GRK3: variants seen among roughly 807,000 people sequenced by gnomAD.
The protein encoded by GRK3 is G protein-coupled receptor kinase 3.
Under a neutral mutation model 95.7 loss-of-function variants are expected in GRK3, and 54 were observed. The observed-to-expected ratio is 0.56, with a 90% confidence interval of 0.45 to 0.71. The LOEUF (loss-of-function observed/expected upper bound fraction) is 0.71, where lower values mean the gene tolerates loss of function less well. Among genes scored for constraint, GRK3 ranks in the 30% least tolerant of loss-of-function variants. The pLI is 0.00. For missense variants in GRK3, 649 were observed against 851.2 expected (o/e 0.76, Z 2.96); for synonymous variants, 281 against 290.8 (o/e 0.97, Z 0.34).
chr22:25,681,472 A>G lies in GRK3; in HGVS notation c.747+2557A>G, dbSNP rs529399980. 8.6e-5 allele frequency among the ~76,000 whole-genome samples: 13 copies of G among 151,672 alleles called. No homozygotes were observed. The South Asian group carries it at 2.7e-3, about 32-fold the overall frequency. Reference sequence around the variant, plus strand: ...AGCCCAGGCACGTGAGGTTGGGGGAATCAGATGAGGGGCCAGGGTCTGCGG... The same window carrying G: ...AGCCCAGGCACGTGAGGTTGGGGGAGTCAGATGAGGGGCCAGGGTCTGCGG... On this transcript the variant is annotated intron_variant, in intron 9 of 20. Transcript: ENST00000324198.
At position 25,676,067 on chromosome 22, in the gene GRK3, G is replaced by A. The variant is rs144455030; in HGVS notation, c.647+1539G>A. Among the ~76,000 whole-genome samples, 501 of 152,316 alleles carry A rather than the reference G, an allele frequency of 3.3e-3. 2 individuals are homozygous for A. The highest frequency in any genetic ancestry group is 5.3e-3 in the Non-Finnish European group (359 of 68,030). On this transcript the variant is annotated intron_variant, in intron 8 of 20. Coordinates refer to ENST00000324198, the MANE Select transcript of GRK3 (RefSeq NM_005160.4). ...GTGCCTTGTTATGAGAATTAAATGA[G>A]ATTAGACTTTGTCAGGCTTTCGGAA...
At position 25,721,313 on chromosome 22, in the gene GRK3, C is replaced by G; in HGVS notation, c.1821C>G (p.Leu607=). The change falls in exon 20 of 21, where the codon CTC becomes CTG. Residue 607 remains leucine, a synonymous_variant. Coordinates refer to ENST00000324198, the MANE Select transcript of GRK3 (RefSeq NM_005160.4). ...RQNLLTMEQI[L]SVEETQIKDK... The stretch of plus-strand genomic sequence containing the variant: ...ATTTACTGACAATGGAACAGATTCT[C>G]TCTGTGGAAGAAACTCAAATTAAAG... 3 of 1,597,178 alleles carry G rather than the reference C, an allele frequency of 1.9e-6. No homozygotes were observed. Among genetic ancestry groups the G allele is most frequent in the South Asian group, 1.1e-5 (1 of 88,034 alleles).
At chr22:25,672,433 G>A (rs1234730995) in intron 7 of GRK3, 86 bp downstream of exon 7, 20 of 750,136 alleles carry the variant, frequency 2.7e-5, no homozygotes, top group South Asian at 1.1e-4. Flanking sequence ...ATTCTGGAAC[G>A]TACTCCCAGA....
intron 2 of GRK3, among the ~76,000 whole-genome samples, chr22:25,637,950 G>A (rs1182751956): frequency 1.3e-5 from 2 of 152,276 alleles, no homozygotes; most frequent in South Asian, 2.1e-4. Flanking sequence ...TCAGCTGATT[G>A]GATGCAGCCC....
intron 1 of GRK3, 63 bp downstream of exon 1, chr22:25,565,216 C>T (rs1432380323): frequency 1.2e-6 from 1 of 865,208 alleles, no homozygotes; most frequent in Non-Finnish European, 1.7e-6. Context: ...CCAGCTACCC[C>T]CTGCTTCCTG....
intron 3 of GRK3, among the ~76,000 whole-genome samples, chr22:25,660,760 A>T (rs555044295): frequency 6.6e-6 from 1 of 152,276 alleles, no homozygotes; most frequent in African/African-American, 2.4e-5. Flanking sequence ...CGAGCTTCAT[A>T]TTTCATGTAT....
chr22:25,580,638 A>G (rs529383176), intron 1 of GRK3: 2 of 152,252 alleles, frequency 1.3e-5, no homozygotes, highest in East Asian at 3.9e-4. Context: ...AGTTCAAGCA[A>G]TTCTCCTGCC....
intron 5 of GRK3, among the ~76,000 whole-genome samples, chr22:25,663,918 GA>G (rs2084925517): frequency 6.6e-6 from 1 of 152,154 alleles, no homozygotes; most frequent in South Asian, 2.1e-4. Context: ...AGCCTTTTCT[GA>G]AAAAGGTCAT....
intron 9 of GRK3, among the ~76,000 whole-genome samples, 181 bp downstream of exon 9, chr22:25,679,096 C>T (rs2085055038): frequency 6.6e-6 from 1 of 152,218 alleles, no homozygotes; most frequent in African/African-American, 2.4e-5. Flanking sequence ...CTCCATTATG[C>T]ACACCCATGG....
chr22:25,635,849 C>T (rs186118211), intron 2 of GRK3, among the ~76,000 whole-genome samples: 16 of 152,316 alleles, frequency 1.1e-4, no homozygotes, highest in East Asian at 5.8e-4. Context: ...AGTTTTGGCA[C>T]CCATCAGTTT....
intron 13 of GRK3, among the ~76,000 whole-genome samples, chr22:25,698,142 GAA>G: frequency 7.5e-6 from 1 of 133,562 alleles, no homozygotes; most frequent in South Asian, 2.4e-4. Context: ...GGAGAGGGAG[GAA>G]GGAAGGAAGG....
intron 3 of GRK3, chr22:25,647,181 C>G (rs994203994): frequency 1.3e-5 from 2 of 159,868 alleles, no homozygotes; most frequent in African/African-American, 5.0e-5. Flanking sequence ...CGGGCCTCAC[C>G]TCCACCCACC....
intron 11 of GRK3, among the ~76,000 whole-genome samples, chr22:25,688,664 G>C (rs2085141375): frequency 6.6e-6 from 1 of 152,192 alleles, no homozygotes; most frequent in African/African-American, 2.4e-5. Context: ...AATGATATAG[G>C]AGTATTCTGA....
intron 1 of GRK3, among the ~76,000 whole-genome samples, chr22:25,594,880 A>ACAAT (rs1293498446): frequency 1.3e-5 from 2 of 152,108 alleles, no homozygotes; most frequent in African/African-American, 4.8e-5. Flanking sequence ...CTCCATCTCA[A>ACAAT]AAATAAATAA....
intron 1 of GRK3, among the ~76,000 whole-genome samples, chr22:25,582,223 G>C (rs1932125125): frequency 6.6e-6 from 1 of 151,960 alleles, no homozygotes; most frequent in African/African-American, 2.4e-5. Flanking sequence ...GTTGCAGTGA[G>C]CCGAGATGAG....
intron 3 of GRK3, chr22:25,648,380 A>T: frequency 2.3e-6 from 3 of 1,308,740 alleles, no homozygotes; most frequent in Non-Finnish European, 3.3e-6. Flanking sequence ...CAACTGTGAA[A>T]CCTCAGATTC....
At chr22:25,604,081 C>T (rs576827605) in intron 1 of GRK3, among the ~76,000 whole-genome samples, 5 of 152,016 alleles carry the variant, frequency 3.3e-5, no homozygotes, top group Admixed American at 2.0e-4. Flanking sequence ...CGTGCAGACA[C>T]ATTTGTGAAT....
rs2084794051 is a variant in GRK3 at position 25,647,492 on chromosome 22, C to T, written c.264+2827C>T. ...ACCTTTTGGAGGTGGGCATCTTCCT[C>T]ATTCTCAGTGGTGCCAAGTTCATAT... On this transcript the variant is annotated intron_variant, in intron 3 of 20. Coordinates refer to ENST00000324198, the MANE Select transcript of GRK3 (RefSeq NM_005160.4). 3 of 1,396,656 alleles carry T rather than the reference C, an allele frequency of 2.1e-6. No individual in the cohort carries two copies. The Admixed American group carries it at 5.1e-5, about 24-fold the overall frequency. The allele number at this position is 1,396,656 out of a possible 1,614,324, so 86.5% of individuals were successfully genotyped here.
intron 1 of GRK3, among the ~76,000 whole-genome samples, chr22:25,602,176 A>G (rs181991812): frequency 1.3e-5 from 2 of 152,352 alleles, no homozygotes; most frequent in African/African-American, 2.4e-5. Flanking sequence ...CACACCTCTA[A>G]AAAGAAGAGA....
Sources: gnomAD v4.1 joint callset for allele counts (sites outside exome capture counted in the v4.1 genomes callset) on GRCh38, gnomAD v4.1.1 for gene constraint, MANE v1.5 for transcripts, NCBI Gene and HGNC (gene_info 2026-07-23, HGNC 2026-07-21) for gene names.